The following CTNND2 variants were observed in gnomAD, a reference collection of about 807,000 sequenced individuals.
CTNND2 encodes the protein catenin delta-2.
A neutral mutation model predicts 144.4 loss-of-function variants in CTNND2; 22 were observed. That is an observed-to-expected ratio of 0.15 (90% CI 0.11 to 0.22). The LOEUF (loss-of-function observed/expected upper bound fraction) is 0.22. CTNND2 is among the 10% of genes least tolerant of loss of function. CTNND2 has a pLI of 1.00. For synonymous variants in CTNND2, 751 were observed against 695.6 expected, an observed-to-expected ratio of 1.08 and a Z score of -1.25; for missense variants, 1,353 against 1,618.8, an observed-to-expected ratio of 0.84 and a Z score of 2.82.
chr5:11,261,659 C>T (rs1744870301), intron 9 of CTNND2, among the ~76,000 whole-genome samples: 1 of 152,196 alleles, frequency 6.6e-6, no homozygotes, highest in African/African-American at 2.4e-5. Context: ...TCTCACCCAC[C>T]CCAAGATGGA....
rs193150788 is a variant in CTNND2, at chr5:11,512,857, G to A, written c.287+52087C>T. On this transcript the variant is annotated intron_variant, in intron 3 of 21. Transcript: ENST00000304623. ...ATTCATTACACTGGCTTTGAGCAAA[G>A]TCTGCAGGAGAAAAGACAGATGCTC... 3.3e-5 allele frequency among the ~76,000 whole-genome samples: 5 copies of A among 152,198 alleles called. 1 individual carries two copies. Among genetic ancestry groups the A allele is most frequent in the African/African-American group, 1.2e-4 (5 of 41,452 alleles).
At chr5:11,169,383 A>C (rs1004291544) in intron 11 of CTNND2, among the ~76,000 whole-genome samples, 2 of 152,176 alleles carry the variant, frequency 1.3e-5, no homozygotes, top group African/African-American at 2.4e-5. Context: ...AAACCATATA[A>C]ATTACTGAAA....
At chr5:11,799,873 A>G (rs1791586289) in intron 1 of CTNND2, among the ~76,000 whole-genome samples, 1 of 152,138 alleles carries the variant, frequency 6.6e-6, no homozygotes. Context: ...CACAAAGAGG[A>G]ATGCTAGATT....
At chr5:11,487,695 A>G (rs559240686) in intron 3 of CTNND2, among the ~76,000 whole-genome samples, 2 of 152,210 alleles carry the variant, frequency 1.3e-5, no homozygotes, top group Non-Finnish European at 2.9e-5. Context: ...ATAATATTTT[A>G]CATTTTACTA....
In CTNND2 at chr5:11,199,563, C is replaced by T; in HGVS notation, c.1860G>A (p.Val620=). 10 of 1,614,190 alleles carry T rather than the reference C, an allele frequency of 6.2e-6. No homozygotes were observed. Among genetic ancestry groups the T allele is most frequent in the Non-Finnish European group, 8.5e-6 (10 of 1,180,034 alleles). Residue 620 remains valine (V), a synonymous_variant, in exon 11 of 22, where the codon GTG becomes GTA. Transcript: ENST00000304623. ...RSACGALRNL[V]YGKANDDNKI... ...TGTTATCATCGTTGGCCTTCCCATACACCAGGTTTCTCAGAGCTCCACAGG... is the reference window on the plus strand; with the variant it reads ...TGTTATCATCGTTGGCCTTCCCATATACCAGGTTTCTCAGAGCTCCACAGG...
At chr5:11,488,689 C>G (rs2149989389) in intron 3 of CTNND2, among the ~76,000 whole-genome samples, 1 of 152,240 alleles carries the variant, frequency 6.6e-6, no homozygotes, top group South Asian at 2.1e-4. Flanking sequence ...AAAAATTTCC[C>G]TCATGCAATC....
intron 12 of CTNND2, among the ~76,000 whole-genome samples, chr5:11,142,272 C>T (rs1487191872): frequency 6.6e-6 from 1 of 152,190 alleles, no homozygotes; most frequent in Non-Finnish European, 1.5e-5. Context: ...CCACAGAAAG[C>T]AAATAAAATT....
intron 2 of CTNND2, among the ~76,000 whole-genome samples, chr5:11,726,787 CTAACACTA>C (rs1417983521): frequency 1.3e-5 from 2 of 152,170 alleles, no homozygotes; most frequent in Non-Finnish European, 2.9e-5. Flanking sequence ...AACCCAACAA[CTAACACTA>C]TTAAATAGAA....
intron 1 of CTNND2, among the ~76,000 whole-genome samples, chr5:11,891,547 T>C (rs1218448526): frequency 6.6e-6 from 1 of 152,026 alleles, no homozygotes; most frequent in African/African-American, 2.4e-5. Flanking sequence ...AGGTAATTAG[T>C]GTTAGATTAG....
chr5:11,513,596 T>A (rs567031959), intron 3 of CTNND2, among the ~76,000 whole-genome samples: 1 of 152,208 alleles, frequency 6.6e-6, no homozygotes, highest in African/African-American at 2.4e-5. Flanking sequence ...AAATAGAAGA[T>A]GGGCAAAAAT....
intron 1 of CTNND2, among the ~76,000 whole-genome samples, chr5:11,771,623 CT>C (rs1373502467): frequency 6.6e-6 from 1 of 152,142 alleles, no homozygotes; most frequent in Non-Finnish European, 1.5e-5. Context: ...GTAGACCTCA[CT>C]TAATACCTTC....
chr5:11,121,190 A>G (rs1754104346), intron 12 of CTNND2, among the ~76,000 whole-genome samples: 2 of 152,226 alleles, frequency 1.3e-5, no homozygotes, highest in South Asian at 4.1e-4. Context: ...AAACTTAACA[A>G]GATGTTTCAC....
chr5:11,360,536 G>A (rs982127106), intron 8 of CTNND2, among the ~76,000 whole-genome samples: 8 of 152,034 alleles, frequency 5.3e-5, no homozygotes, highest in African/African-American at 1.4e-4. Context: ...CTGTAGCACC[G>A]AATGAGGAGT....
intron 15 of CTNND2, among the ~76,000 whole-genome samples, chr5:11,084,563 G>C (rs1749934285): frequency 6.6e-6 from 1 of 152,158 alleles, no homozygotes; most frequent in African/African-American, 2.4e-5. Flanking sequence ...ACAATAACTT[G>C]CAACATCGGG....
chr5:11,661,711 T>C (rs142737390), intron 2 of CTNND2, among the ~76,000 whole-genome samples: 53 of 152,298 alleles, frequency 3.5e-4, no homozygotes, highest in African/African-American at 1.2e-3. Flanking sequence ...GCAATCATCA[T>C]ACATGTCTAT....
intron 1 of CTNND2, among the ~76,000 whole-genome samples, chr5:11,739,747 C>T (rs1787890059): frequency 6.6e-6 from 1 of 152,134 alleles, no homozygotes; most frequent in African/African-American, 2.4e-5. Context: ...AAGAAGAAGT[C>T]AAATTGTACC....
intron 12 of CTNND2, among the ~76,000 whole-genome samples, chr5:11,127,711 A>G (rs919868926): frequency 4.6e-5 from 7 of 151,880 alleles, no homozygotes; most frequent in African/African-American, 1.7e-4. Flanking sequence ...GGGAGCAGAT[A>G]TGTTGCTTCC....
intron 3 of CTNND2, among the ~76,000 whole-genome samples, chr5:11,510,912 C>A (rs1026001870): frequency 6.9e-6 from 1 of 145,266 alleles, no homozygotes; most frequent in Non-Finnish European, 1.5e-5. Flanking sequence ...GCCTGGGCAA[C>A]AGAAAGAGAC....
chr5:11,419,808 T>A (rs1362772921), intron 3 of CTNND2, among the ~76,000 whole-genome samples: 2 of 152,200 alleles, frequency 1.3e-5, no homozygotes, highest in Non-Finnish European at 2.9e-5. Context: ...AGATATTCCA[T>A]CTGTTATGAA....
Sources: gnomAD v4.1 joint callset for allele counts (sites outside exome capture counted in the v4.1 genomes callset) on GRCh38, gnomAD v4.1.1 for gene constraint, MANE v1.5 for transcripts, NCBI Gene and HGNC (gene_info 2026-07-23, HGNC 2026-07-21) for gene names.